NCOA6: variants seen among roughly 807,000 people sequenced by gnomAD.
NCOA6 encodes the protein NRC RAP250.
NCOA6 carries 49 observed loss-of-function variants against 171.4 expected under a neutral mutation model. That is an observed-to-expected ratio of 0.29 (90% CI 0.23 to 0.36). NCOA6 has a LOEUF of 0.36. Among genes scored for constraint, NCOA6 ranks in the 10% least tolerant of loss-of-function variants. The pLI, the probability that NCOA6 is intolerant of heterozygous loss-of-function variation, is 1.00. For synonymous variants in NCOA6, 910 were observed against 927.5 expected, an observed-to-expected ratio of 0.98 and a Z score of 0.34; for missense variants, 2,248 against 2,554.5, an observed-to-expected ratio of 0.88 and a Z score of 2.59.
intron 1 of NCOA6, among the ~76,000 whole-genome samples, chr20:34,799,735 T>C (rs2078195845): frequency 6.6e-6 from 1 of 152,118 alleles, no homozygotes; most frequent in Admixed American, 6.6e-5. Context: ...TACCCTAGAA[T>C]AGTATATCCA....
intron 14 of NCOA6, among the ~76,000 whole-genome samples, chr20:34,718,061 A>G (rs1988820653): frequency 6.6e-6 from 1 of 152,174 alleles, no homozygotes. Flanking sequence ...GCGTGAATCA[A>G]TGAGTGGGGT....
chr20:34,794,607 G>A (rs1196910967), intron 1 of NCOA6, among the ~76,000 whole-genome samples: 1 of 152,088 alleles, frequency 6.6e-6, no homozygotes, highest in East Asian at 1.9e-4. Flanking sequence ...GTAAACCATT[G>A]AGTACCTTGT....
intron 14 of NCOA6, among the ~76,000 whole-genome samples, chr20:34,717,916 G>A (rs1321168009): frequency 6.6e-6 from 1 of 152,196 alleles, no homozygotes; most frequent in Non-Finnish European, 1.5e-5. Flanking sequence ...GTATGTCTGA[G>A]AAACATATGT....
intron 10 of NCOA6, 86 bp from the exon 11 acceptor site, chr20:34,743,427 T>A (rs1248800135): frequency 4.3e-6 from 6 of 1,381,690 alleles, no homozygotes; most frequent in Admixed American, 4.0e-5. Context: ...GCAATACTCA[T>A]CTAGGTGGCA....
chr20:34,793,957 T>C (rs1189341237), intron 1 of NCOA6, among the ~76,000 whole-genome samples: 1 of 152,176 alleles, frequency 6.6e-6, no homozygotes, highest in Non-Finnish European at 1.5e-5. Context: ...AAAAGATGTT[T>C]ACCCTCACAC....
At chr20:34,721,314 A>G (rs1407012271) in intron 14 of NCOA6, among the ~76,000 whole-genome samples, 2 of 151,464 alleles carry the variant, frequency 1.3e-5, no homozygotes, top group Non-Finnish European at 2.9e-5. Flanking sequence ...GCTTCCCAGA[A>G]GGTGAACGAG....
intron 1 of NCOA6, among the ~76,000 whole-genome samples, chr20:34,814,058 T>G (rs1015833107): frequency 8.5e-5 from 13 of 152,170 alleles, no homozygotes; most frequent in Non-Finnish European, 1.6e-4. Flanking sequence ...GGGCTGGGCA[T>G]GGTGGCTCAC....
intron 12 of NCOA6, among the ~76,000 whole-genome samples, chr20:34,736,258 C>T (rs1038407810): frequency 6.6e-6 from 1 of 152,114 alleles, no homozygotes; most frequent in Non-Finnish European, 1.5e-5. Context: ...CACATTGTGG[C>T]AGAGACTCAA....
chr20:34,736,835 G>A lies in NCOA6; in HGVS notation c.5894-77C>T. 2 of 1,261,970 alleles carry A rather than the reference G, an allele frequency of 1.6e-6. 1 individual carries two copies. Among genetic ancestry groups the A allele is most frequent in the Non-Finnish European group, 2.2e-6 (2 of 910,834 alleles). The allele number at this position is 1,261,970 out of a possible 1,614,324, so 78.2% of individuals were successfully genotyped here. A position where few individuals can be genotyped will look rare whatever the true frequency, so the allele number is the denominator to read the frequency against. ...AAAGAAAGCATTAACCTAATCAAGG[G>A]CTAAGTAACTGCTGAAACAATGTAC... On this transcript the variant is annotated intron_variant, in intron 11 of 14. Coordinates refer to ENST00000359003, the MANE Select transcript of NCOA6 (RefSeq NM_014071.5).
At chr20:34,758,353 T>C (rs1170530353) in intron 6 of NCOA6, among the ~76,000 whole-genome samples, 1 of 152,224 alleles carries the variant, frequency 6.6e-6, no homozygotes, top group South Asian at 2.1e-4. Flanking sequence ...TACCAAATCA[T>C]ATTCTGGAGA....
intron 3 of NCOA6, among the ~76,000 whole-genome samples, chr20:34,777,136 AAAG>A (rs2077352412): frequency 2.0e-5 from 3 of 151,548 alleles, no homozygotes; most frequent in Non-Finnish European, 4.4e-5. Context: ...AAAAAAAAAA[AAAG>A]GTAAAGGACA....
intron 1 of NCOA6, among the ~76,000 whole-genome samples, chr20:34,823,276 G>GGGA (rs1354217922): frequency 1.3e-5 from 2 of 152,088 alleles, no homozygotes; most frequent in African/African-American, 4.8e-5. Context: ...CCAGCACTTT[G>GGGA]GGAGGCTCAG....
At chr20:34,744,597 TAA>T (rs2076248942) in intron 10 of NCOA6, among the ~76,000 whole-genome samples, 1 of 152,212 alleles carries the variant, frequency 6.6e-6, no homozygotes, top group African/African-American at 2.4e-5. Flanking sequence ...AGCACTCAAT[TAA>T]TGTCTTCTGG....
chr20:34,808,994 G>A (rs2078559937), intron 1 of NCOA6, among the ~76,000 whole-genome samples: 1 of 152,126 alleles, frequency 6.6e-6, no homozygotes, highest in African/African-American at 2.4e-5. Flanking sequence ...ATATACACCT[G>A]CCCTTCTCTG....
intron 1 of NCOA6, among the ~76,000 whole-genome samples, chr20:34,811,183 C>A (rs1601136345): frequency 1.5e-5 from 1 of 67,816 alleles, no homozygotes; most frequent in Non-Finnish European, 3.0e-5. Context: ...GACTATTTAA[C>A]AACAACAACA....
intron 2 of NCOA6, among the ~76,000 whole-genome samples, chr20:34,789,003 A>G (rs1327410639): frequency 1.3e-5 from 2 of 152,230 alleles, no homozygotes; most frequent in Non-Finnish European, 2.9e-5. Context: ...TGGTGTGCCA[A>G]TGAATTGCTA....
chr20:34,719,752 ACT>A (rs1202643082), intron 14 of NCOA6, among the ~76,000 whole-genome samples: 2 of 152,248 alleles, frequency 1.3e-5, no homozygotes, highest in East Asian at 1.9e-4. Flanking sequence ...ACAGAGCAAG[ACT>A]CTGTCTCAAA....
chr20:34,732,955 T>A (rs1019316912), intron 12 of NCOA6: 1 of 175,670 alleles, frequency 5.7e-6, no homozygotes, highest in Admixed American at 6.3e-5. Context: ...TCCATCCACC[T>A]TGTTGCCACT....
intron 14 of NCOA6, among the ~76,000 whole-genome samples, chr20:34,719,573 G>A (rs541071523): frequency 5.3e-5 from 8 of 151,822 alleles, no homozygotes; most frequent in Admixed American, 3.9e-4. Context: ...AGAGGTTGCA[G>A]TGAGTTCAGA....
Sources: allele counts gnomAD v4.1 joint callset (sites outside exome capture counted in the v4.1 genomes callset), GRCh38; gene constraint gnomAD v4.1.1; transcripts MANE v1.5; gene names NCBI Gene and HGNC (gene_info 2026-07-23, HGNC 2026-07-21).